ZNF804A: variants seen among roughly 807,000 people sequenced by gnomAD.
The protein encoded by ZNF804A is zinc finger protein 804A.
In ZNF804A, 2 loss-of-function variants were observed where a neutral mutation model predicts 16.5. The observed-to-expected ratio is 0.12, with a 90% CI of 0.05 to 0.38. The LOEUF is 0.38. Among genes scored for constraint, ZNF804A ranks in the 10% least tolerant of loss-of-function variants. ZNF804A has a pLI of 0.99. For synonymous variants in ZNF804A, 534 were observed against 489.6 expected (o/e 1.09, Z -1.20); for missense variants, 1,473 against 1,390.7 (o/e 1.06, Z -0.94).
Position 184,813,753 on chromosome 2 carries a change from C to T in ZNF804A, c.112-52616C>T, listed in dbSNP as rs866534052. Among the ~76,000 whole-genome samples, 19 of 152,090 alleles carry T rather than the reference C, an allele frequency of 1.2e-4. No individual in the cohort carries two copies. In the Middle Eastern group the frequency reaches 0.014, roughly 109 times the overall value. Reference sequence around the variant, plus strand: ...GCCTGCCACTACAGGTCTATTCTATCTTCTGAAGTCCTCAAATCACCCCTA... The same window carrying T: ...GCCTGCCACTACAGGTCTATTCTATTTTCTGAAGTCCTCAAATCACCCCTA... On this transcript the variant is annotated intron_variant, in intron 1 of 3. Transcript: ENST00000302277.
intron 1 of ZNF804A, among the ~76,000 whole-genome samples, chr2:184,803,252 C>T (rs958049392): frequency 6.6e-6 from 1 of 152,002 alleles, no homozygotes; most frequent in Non-Finnish European, 1.5e-5. Context: ...TGAATAACTT[C>T]CTCATCTCTT....
chr2:184,885,979 C>A (rs11894088), intron 2 of ZNF804A, among the ~76,000 whole-genome samples: 45,609 of 151,836 alleles, frequency 0.3, 8,822 homozygotes, highest in African/African-American at 0.55. Flanking sequence ...CCTTTCCAAC[C>A]GTCTCCTGAA....
At chr2:184,793,205 T>C (rs1376558846) in intron 1 of ZNF804A, among the ~76,000 whole-genome samples, 1 of 152,132 alleles carries the variant, frequency 6.6e-6, no homozygotes, top group Non-Finnish European at 1.5e-5. Flanking sequence ...TCCATGTCTT[T>C]GCTATTGTGA....
intron 1 of ZNF804A, among the ~76,000 whole-genome samples, chr2:184,730,438 T>C (rs140751948): frequency 2.0e-5 from 3 of 152,312 alleles, no homozygotes; most frequent in Non-Finnish European, 4.4e-5. Context: ...ATACATTCTA[T>C]GGGTTTTGAC....
chr2:184,834,236 C>A (rs1429077565), intron 1 of ZNF804A, among the ~76,000 whole-genome samples: 1 of 151,964 alleles, frequency 6.6e-6, no homozygotes, highest in African/African-American at 2.4e-5. Context: ...TTATTTGATG[C>A]TAAACATGTC....
chr2:184,679,974 G>T (rs114231380), intron 1 of ZNF804A, among the ~76,000 whole-genome samples: 1 of 152,164 alleles, frequency 6.6e-6, no homozygotes, highest in East Asian at 1.9e-4. Context: ...AGAACTTATG[G>T]TGCTTTTTCT....
At chr2:184,740,915 A>G (rs532049718) in intron 1 of ZNF804A, among the ~76,000 whole-genome samples, 4 of 152,314 alleles carry the variant, frequency 2.6e-5, no homozygotes, top group African/African-American at 2.4e-5. Flanking sequence ...AGCAGACTTT[A>G]TAATAATATT....
chr2:184,693,383 A>G (rs1463771961), intron 1 of ZNF804A, among the ~76,000 whole-genome samples: 2 of 152,330 alleles, frequency 1.3e-5, no homozygotes, highest in East Asian at 3.9e-4. Context: ...TCAAATATTA[A>G]TAATATAATT....
chr2:184,709,910 C>T (rs1030887426), intron 1 of ZNF804A, among the ~76,000 whole-genome samples: 3 of 149,150 alleles, frequency 2.0e-5, no homozygotes, highest in African/African-American at 7.3e-5. Flanking sequence ...CACATAAAAG[C>T]ATAAAGTATA....
At chr2:184,906,684 A>G (rs570330916) in intron 2 of ZNF804A, among the ~76,000 whole-genome samples, 5 of 152,076 alleles carry the variant, frequency 3.3e-5, no homozygotes, top group Non-Finnish European at 7.4e-5. Context: ...CAGTACCCCT[A>G]ATGTATACAC....
intron 1 of ZNF804A, among the ~76,000 whole-genome samples, chr2:184,711,836 G>A (rs1037725593): frequency 1.3e-5 from 2 of 149,424 alleles, no homozygotes; most frequent in African/African-American, 5.1e-5. Context: ...CCATTATTCT[G>A]TCTGTCTATT....
At chr2:184,776,609 T>G (rs1428380878) in intron 1 of ZNF804A, among the ~76,000 whole-genome samples, 1 of 151,532 alleles carries the variant, frequency 6.6e-6, no homozygotes, top group East Asian at 1.9e-4. Flanking sequence ...TCCATTGTCA[T>G]AAAAATAGTG....
intron 1 of ZNF804A, among the ~76,000 whole-genome samples, chr2:184,818,075 A>G (rs2105789618): frequency 6.6e-6 from 1 of 151,962 alleles, no homozygotes; most frequent in African/African-American, 2.4e-5. Context: ...AAGATACAAC[A>G]TAAGAAGATC....
At chr2:184,662,121 T>C (rs551757592) in intron 1 of ZNF804A, among the ~76,000 whole-genome samples, 3 of 152,340 alleles carry the variant, frequency 2.0e-5, no homozygotes, top group Admixed American at 2.0e-4. Context: ...AAGTACTCTT[T>C]TTAAATGGCT....
At chr2:184,801,465 A>C (rs1694726327) in intron 1 of ZNF804A, among the ~76,000 whole-genome samples, 1 of 152,074 alleles carries the variant, frequency 6.6e-6, no homozygotes, top group Non-Finnish European at 1.5e-5. Flanking sequence ...ACAATTTTTC[A>C]ATGTTCTGTT....
At chr2:184,835,036 G>T (rs1454917857) in intron 1 of ZNF804A, among the ~76,000 whole-genome samples, 1 of 152,146 alleles carries the variant, frequency 6.6e-6, no homozygotes, top group African/African-American at 2.4e-5. Context: ...ACAGAACTAG[G>T]TGTTAGGGAT....
intron 1 of ZNF804A, among the ~76,000 whole-genome samples, chr2:184,685,809 T>G (rs1325073093): frequency 6.6e-6 from 1 of 152,132 alleles, no homozygotes; most frequent in African/African-American, 2.4e-5. Flanking sequence ...TTAAAGGTGG[T>G]TTCACCAGGG....
At chr2:184,795,897 C>G (rs1300883422) in intron 1 of ZNF804A, among the ~76,000 whole-genome samples, 2 of 152,042 alleles carry the variant, frequency 1.3e-5, no homozygotes, top group Non-Finnish European at 2.9e-5. Context: ...CTGAACAGAC[C>G]AATAACAATC....
At chr2:184,618,681 T>C (rs1283559238) in intron 1 of ZNF804A, among the ~76,000 whole-genome samples, 2 of 152,032 alleles carry the variant, frequency 1.3e-5, no homozygotes, top group East Asian at 3.9e-4. Context: ...AAATTCCTAG[T>C]TCTGAAACCT....
Sources: gnomAD v4.1 joint callset for allele counts (sites outside exome capture counted in the v4.1 genomes callset) on GRCh38, gnomAD v4.1.1 for gene constraint, MANE v1.5 for transcripts, NCBI Gene and HGNC (gene_info 2026-07-23, HGNC 2026-07-21) for gene names.